Variants in LMBR1 observed in about 807,000 individuals in gnomAD.
LMBR1 encodes the protein limb region 1 protein homolog.
In LMBR1, 52 loss-of-function variants were observed where a neutral mutation model predicts 73.9. The observed-to-expected ratio is 0.70, with a 90% confidence interval of 0.56 to 0.89. LMBR1 has a LOEUF of 0.89. LMBR1 is among the 40% of genes least tolerant of loss of function. The probability of loss-of-function intolerance (pLI) is 0.00; values close to 1 mark genes in which losing one functional copy is unlikely to be tolerated. For missense variants in LMBR1, 539 were observed against 579.8 expected (o/e 0.93, Z 0.72); for synonymous variants, 215 against 209.4 (o/e 1.03, Z -0.23).
chr7:156,798,328 C>T (rs892823314), intron 4 of LMBR1, among the ~76,000 whole-genome samples: 43 of 152,328 alleles, frequency 2.8e-4, no homozygotes, highest in Admixed American at 2.5e-3. Flanking sequence ...TATCAGCTCC[C>T]ACACCAAACT....
At chr7:156,705,338 G>T (rs1262146493) in intron 15 of LMBR1, among the ~76,000 whole-genome samples, 3 of 152,106 alleles carry the variant, frequency 2.0e-5, no homozygotes, top group Non-Finnish European at 4.4e-5. Context: ...TGGGTGGATG[G>T]GTTGAGCCCA....
chr7:156,872,602 G>A (rs147626731), intron 1 of LMBR1, among the ~76,000 whole-genome samples: 1,688 of 151,582 alleles, frequency 0.011, 9 homozygotes, highest in Non-Finnish European at 0.017. Flanking sequence ...AGCCGAGATC[G>A]CATCATTGGA....
chr7:156,886,832 C>T lies in LMBR1; in HGVS notation c.66+6096G>A, dbSNP rs141690009. On this transcript the variant is annotated intron_variant, in intron 1 of 16. Transcript: ENST00000353442. ...TGGGTATTTTATTGCCACAAAGAGTCTGTTCTCTCAGTCTTCAGATCTCTA... is the reference window on the plus strand; with the variant it reads ...TGGGTATTTTATTGCCACAAAGAGTTTGTTCTCTCAGTCTTCAGATCTCTA... Among the ~76,000 whole-genome samples the T allele has an allele frequency of 2.6e-5, 4 of 152,324 alleles. No homozygotes were observed. In the East Asian group the frequency reaches 7.7e-4, roughly 29 times the overall value.
intron 5 of LMBR1, among the ~76,000 whole-genome samples, chr7:156,782,278 G>A (rs1402833663): frequency 6.6e-6 from 1 of 152,178 alleles, no homozygotes; most frequent in East Asian, 1.9e-4. Context: ...CTATGAACAT[G>A]GGTGTACATG....
Position 156,689,885 on chromosome 7 carries a change from G to A in LMBR1, c.1226-1694C>T, listed in dbSNP as rs147161718. On this transcript the variant is annotated intron_variant, in intron 15 of 16. Transcript: ENST00000353442. Reference sequence around the variant, plus strand: ...ATACAGTACCATTTCATTTAGCCTAGGAAGTGATCTTTAAACAAGATATAG... The same window carrying A: ...ATACAGTACCATTTCATTTAGCCTAAGAAGTGATCTTTAAACAAGATATAG... Among the ~76,000 whole-genome samples, 27 of 152,252 alleles carry A rather than the reference G, an allele frequency of 1.8e-4. No homozygotes were observed. The East Asian group carries it at 1.9e-3, about 11-fold the overall frequency.
intron 15 of LMBR1, among the ~76,000 whole-genome samples, chr7:156,691,959 T>A (rs1309847565): frequency 1.3e-5 from 2 of 152,172 alleles, no homozygotes; most frequent in African/African-American, 4.8e-5. Context: ...AAAACAGGAA[T>A]AATTTAAATT....
At chr7:156,772,775 G>A (rs1825434503) in intron 5 of LMBR1, among the ~76,000 whole-genome samples, 1 of 151,986 alleles carries the variant, frequency 6.6e-6, no homozygotes, top group Non-Finnish European at 1.5e-5. Context: ...TTGAACCCGG[G>A]AGGCAGAGGT....
downstream of LMBR1, chr7:156,675,726 T>A (rs756563565): frequency 3.1e-6 from 5 of 1,613,238 alleles, no homozygotes; most frequent in Admixed American, 8.3e-5. Context: ...CATCCTGTGC[T>A]CATACAACAC....
chr7:156,734,194 G>C lies in LMBR1; in HGVS notation c.821C>G (p.Thr274Ser). Residue 274 changes from threonine to serine, a missense_variant, in exon 10 of 17, where the codon ACT becomes AGT. Thr to Ser is a moderately conservative substitution (Grantham distance 58). Around this residue, in one of 3 missense-constraint regions of LMBR1, gnomAD observed 454 missense variants for 473.4 expected, o/e 0.96. Coordinates refer to ENST00000353442, the MANE Select transcript of LMBR1 (RefSeq NM_022458.4). ...TACAATACCTAATTTTGTCTTAAGA[G>C]TCTTTACATTTTCAAGTTCTTGTTC... Reference protein sequence around the residue: ...ELEQELENVKTLKTKLERRKK... With the variant: ...ELEQELENVKSLKTKLERRKK... 2 of 1,608,776 alleles carry C rather than the reference G, an allele frequency of 1.2e-6. No homozygotes were observed. Among genetic ancestry groups the C allele is most frequent in the Non-Finnish European group, 1.7e-6 (2 of 1,177,766 alleles).
chr7:156,872,515 C>T (rs1271175390), intron 1 of LMBR1, among the ~76,000 whole-genome samples: 3 of 151,906 alleles, frequency 2.0e-5, no homozygotes, highest in African/African-American at 2.4e-5. Context: ...GGCGTGGTGG[C>T]GCATGCCTAT....
rs932864100 is a variant in LMBR1, at chr7:156,680,165, C to A, written c.*3913G>T. 2 of 151,214 alleles carry A rather than the reference C, an allele frequency of 1.3e-5. No homozygotes were observed. Among genetic ancestry groups the A allele is most frequent in the Non-Finnish European group, 1.5e-5 (1 of 67,842 alleles). The allele number at this position is 151,214 out of a possible 1,614,324, so 9.4% of individuals were successfully genotyped here. A position where few individuals can be genotyped will look rare whatever the true frequency, so the allele number is the denominator to read the frequency against. On this transcript the variant is annotated 3_prime_UTR_variant, in exon 17 of 17. Transcript: ENST00000353442. ...TCAAAAACCAAAAAAAAAAAAAACT[C>A]CAAAAAGGTCTTTGTATTATTTCTT...
chr7:156,769,677 C>T (rs1240323845), intron 5 of LMBR1, among the ~76,000 whole-genome samples: 2 of 152,164 alleles, frequency 1.3e-5, no homozygotes, highest in Non-Finnish European at 2.9e-5. Context: ...TTTATTACTC[C>T]GGTACAGCAA....
intron 3 of LMBR1, among the ~76,000 whole-genome samples, chr7:156,829,936 T>C (rs1342082120): frequency 6.6e-6 from 1 of 152,186 alleles, no homozygotes; most frequent in East Asian, 1.9e-4. Flanking sequence ...TCTTTCAAAA[T>C]GCTTCTGAAG....
intron 5 of LMBR1, among the ~76,000 whole-genome samples, chr7:156,764,001 AAC>A (rs1823622228): frequency 6.6e-6 from 1 of 151,858 alleles, no homozygotes; most frequent in Non-Finnish European, 1.5e-5. Context: ...GCTTGGATAA[AAC>A]ACAAAAAAAA....
rs894353723 is a variant in LMBR1 at position 156,681,259 on chromosome 7, G to A, written c.*2819C>T. On this transcript the variant is annotated 3_prime_UTR_variant, in exon 17 of 17. Coordinates refer to ENST00000353442, the MANE Select transcript of LMBR1 (RefSeq NM_022458.4). Reference sequence around the variant, plus strand: ...CAGCAGATGGGGAGGCCGCACTGCCGCTGAGAGCAGGTACACGTGCGCCTT... The same window carrying A: ...CAGCAGATGGGGAGGCCGCACTGCCACTGAGAGCAGGTACACGTGCGCCTT... 6 of 426,492 alleles carry A rather than the reference G, an allele frequency of 1.4e-5. No individual in the cohort carries two copies. The highest frequency in any genetic ancestry group is 5.0e-5 in the South Asian group (3 of 59,586). 26.4% of individuals were successfully genotyped at this position (426,492 alleles called of 1,614,324 possible).
chr7:156,892,818 G>A, intron 1 of LMBR1, 110 bp downstream of exon 1: 3 of 519,902 alleles, frequency 5.8e-6, no homozygotes, highest in Non-Finnish European at 7.9e-6. Context: ...GGCGGGAGGC[G>A]CGAGGCGAGG....
chr7:156,713,395 G>A (rs1030262064), intron 15 of LMBR1, among the ~76,000 whole-genome samples: 2 of 152,286 alleles, frequency 1.3e-5, no homozygotes, highest in Middle Eastern at 3.4e-3. Context: ...TCTGGACTCT[G>A]GGTGATAATG....
At chr7:156,892,093 A>C (rs1265587761) in intron 1 of LMBR1, among the ~76,000 whole-genome samples, 1 of 152,242 alleles carries the variant, frequency 6.6e-6, no homozygotes, top group African/African-American at 2.4e-5. Flanking sequence ...AAAAACATCA[A>C]AGTAGACTTT....
intron 10 of LMBR1, among the ~76,000 whole-genome samples, chr7:156,730,356 T>A (rs1816614508): frequency 6.6e-6 from 1 of 152,126 alleles, no homozygotes; most frequent in Admixed American, 6.5e-5. Flanking sequence ...TAAAATTCAT[T>A]AAGAAAATGA....
Sources: gnomAD v4.1 joint callset for allele counts (sites outside exome capture counted in the v4.1 genomes callset) on GRCh38, gnomAD v4.1.1 for gene constraint, gnomAD v4.1.1 regional missense constraint, MANE v1.5 for transcripts, NCBI Gene and HGNC (gene_info 2026-07-23, HGNC 2026-07-21) for gene names.